ZNF229: variants seen among roughly 807,000 people sequenced by gnomAD.
ZNF229 encodes the protein zinc finger protein 229.
A neutral mutation model predicts 11.8 loss-of-function variants in ZNF229; 10 were observed. The observed-to-expected ratio is 0.85, with a 90% CI of 0.52 to 1.44. ZNF229 has a LOEUF of 1.44. Ranked by LOEUF, ZNF229 falls within the 40% of genes most tolerant of loss-of-function variation. The pLI, the probability that ZNF229 is intolerant of heterozygous loss-of-function variation, is 0.00. For missense variants in ZNF229, 1,045 were observed against 1,015.1 expected, an observed-to-expected ratio of 1.03 and a Z score of -0.40; for synonymous variants, 368 against 374.8, an observed-to-expected ratio of 0.98 and a Z score of 0.21.
chr19:44,429,148 A>G lies in ZNF229; in HGVS notation c.1633T>C (p.Tyr545His), dbSNP rs2123334464. The change falls in exon 6 of 6, where the codon TAC (tyrosine) becomes CAC (histidine). Residue 545 changes from tyrosine (Y) to histidine (H), a missense_variant. Physicochemically the swap from Tyr to His is moderately conservative, Grantham distance 83. Transcript: ENST00000614049. ...HQRLHTGEKP[Y>H]KCECGKSFGR... ...AAGCTCTTCCCGCACTCGCATTTGT[A>G]GGGTTTCTCTCCTGTGTGCAGTCTC... 1 of 1,613,562 alleles carries G rather than the reference A, an allele frequency of 6.2e-7. No homozygotes were observed. The highest frequency in any genetic ancestry group is 1.3e-5 in the African/African-American group (1 of 74,802).
rs370593038 is a variant in ZNF229, at chr19:44,428,370, C to A, written c.2411G>T (p.Gly804Val). Residue 804 changes from glycine (G) to valine (V), a missense_variant, in exon 6 of 6, where the codon GGC becomes GTC. Coordinates refer to ENST00000614049, the MANE Select transcript of ZNF229 (RefSeq NM_014518.4). ...CCGCAGACCTGAGGTATAACTGAAGCCTTTCCCACACACACCACACGTATA... is the reference window on the plus strand; with the variant it reads ...CCGCAGACCTGAGGTATAACTGAAGACTTTCCCACACACACCACACGTATA... Reference protein sequence around the residue: ...KPYTCGVCGKGFSYTSGLRNH... With the variant: ...KPYTCGVCGKVFSYTSGLRNH... 1 of 1,614,108 alleles carries A rather than the reference C, an allele frequency of 6.2e-7. No individual in the cohort carries two copies. Among genetic ancestry groups the A allele is most frequent in the Non-Finnish European group, 8.5e-7 (1 of 1,180,008 alleles).
At chr19:44,445,876 T>C (rs1971994803) in intron 2 of ZNF229, among the ~76,000 whole-genome samples, 1 of 152,192 alleles carries the variant, frequency 6.6e-6, no homozygotes. Flanking sequence ...CCTCTTGATG[T>C]CATCTTCACA....
intron 4 of ZNF229, among the ~76,000 whole-genome samples, chr19:44,439,265 A>G (rs1032183356): frequency 2.6e-5 from 4 of 152,152 alleles, no homozygotes; most frequent in African/African-American, 7.2e-5. Context: ...CTTTTTCCAC[A>G]CTAAGTATAC....
At chr19:44,434,235 G>A (rs563235076) in intron 4 of ZNF229, among the ~76,000 whole-genome samples, 33 of 152,180 alleles carry the variant, frequency 2.2e-4, no homozygotes, top group East Asian at 7.7e-4. Context: ...CATGTACCCC[G>A]AAAACATTCT....
chr19:44,428,078 C>G lies in ZNF229; in HGVS notation c.*225G>C. 2.0e-6 allele frequency: 1 copy of G among 502,002 alleles called. No individual in the cohort carries two copies. 31.1% of individuals were successfully genotyped at this position (502,002 alleles called of 1,614,324 possible). A position where few individuals can be genotyped will look rare whatever the true frequency, so the allele number is the denominator to read the frequency against. On this transcript the variant is annotated 3_prime_UTR_variant, in exon 6 of 6. Coordinates refer to ENST00000614049, the MANE Select transcript of ZNF229 (RefSeq NM_014518.4). ...CCACTGCTGCACTGTTTCTTTAAAG[C>G]CTACTCCGCTGCACAACAGACTCTT...
At chr19:44,431,134 G>C (rs780661670) in intron 5 of ZNF229, among the ~76,000 whole-genome samples, 1 of 152,082 alleles carries the variant, frequency 6.6e-6, no homozygotes, top group African/African-American at 2.4e-5. Flanking sequence ...CTTCAGGAGG[G>C]TGCCAAATTT....
chr19:44,442,933 C>A lies in ZNF229; in HGVS notation c.-86G>T. On this transcript the variant is annotated 5_prime_UTR_variant, in exon 3 of 6. Transcript: ENST00000614049. ...AAGCTGGAGACGCAGAAGATCCAGG[C>A]CTTTTTCATTCCGGAAACTCTCCAA... 6.6e-7 allele frequency: 1 copy of A among 1,510,236 alleles called. No individual in the cohort carries two copies. Among genetic ancestry groups the A allele is most frequent in the Non-Finnish European group, 9.2e-7 (1 of 1,087,268 alleles). The allele number at this position is 1,510,236 out of a possible 1,614,324, so 93.6% of individuals were successfully genotyped here.
chr19:44,434,806 C>G (rs1288639538), intron 4 of ZNF229, among the ~76,000 whole-genome samples: 1 of 152,106 alleles, frequency 6.6e-6, no homozygotes, highest in Non-Finnish European at 1.5e-5. Context: ...AGTTTTAGTG[C>G]ATATTACATG....
In ZNF229 at chr19:44,429,773, T is replaced by C. The variant is rs766419648; in HGVS notation, c.1008A>G (p.Ile336Met). The change falls in exon 6 of 6, where the codon ATA becomes ATG. Residue 336 changes from isoleucine (I) to methionine (M), a missense_variant. By Grantham distance (10) the Ile-to-Met change is conservative. Transcript: ENST00000614049. ...CCACAGGGGCTCTGGGGTGGTTACG[T>C]ATGTGCGTGTTCTGTCTGACGCCCC... ...RGRGVRQNTHIRNHPRAPVGD... is the reference protein window; with the variant it reads ...RGRGVRQNTHMRNHPRAPVGD... 7 of 1,614,082 alleles carry C rather than the reference T, an allele frequency of 4.3e-6. No individual in the cohort carries two copies. In the South Asian group the frequency reaches 7.7e-5, roughly 18 times the overall value.
chr19:44,429,721 A>T lies in ZNF229; in HGVS notation c.1060T>A (p.Cys354Ser). 2 of 1,614,124 alleles carry T rather than the reference A, an allele frequency of 1.2e-6. No homozygotes were observed. ...GATTTATACCTGAACCCCTTTCCAC[A>T]GACATCACATCTATAGGGCATGTCT... ...VGDMPYRCDV[C>S]GKGFRYKSVL... is the part of the protein sequence containing the mutation. The change falls in exon 6 of 6, where the codon TGT (cysteine) becomes AGT (serine). Residue 354 changes from cysteine to serine, a missense_variant. Coordinates refer to ENST00000614049, the MANE Select transcript of ZNF229 (RefSeq NM_014518.4).
Position 44,428,215 on chromosome 19 carries a change from A to G in ZNF229, c.*88T>C. 1 of 1,418,894 alleles carries G rather than the reference A, an allele frequency of 7.0e-7. No individual in the cohort carries two copies. Among genetic ancestry groups the G allele is most frequent in the Non-Finnish European group, 9.6e-7 (1 of 1,046,574 alleles). 87.9% of individuals were successfully genotyped at this position (1,418,894 alleles called of 1,614,324 possible). On this transcript the variant is annotated 3_prime_UTR_variant, in exon 6 of 6. Transcript: ENST00000614049. ...CATCAGTTTCTCCTATAGCCCTCCTACATGTCACTTTCCTATGGTTTTTCT... is the reference window on the plus strand; with the variant it reads ...CATCAGTTTCTCCTATAGCCCTCCTGCATGTCACTTTCCTATGGTTTTTCT...
chr19:44,429,459 C>A lies in ZNF229; in HGVS notation c.1322G>T (p.Gly441Val), dbSNP rs1555725599. 19 of 1,613,720 alleles carry A rather than the reference C, an allele frequency of 1.2e-5. No homozygotes were observed. The highest frequency in any genetic ancestry group is 1.5e-5 in the Non-Finnish European group (18 of 1,179,964). The stretch of plus-strand genomic sequence containing the variant: ...GTGCAGTGCAGACTTGGCACAGAAG[C>A]CTTTGCCACACTCGCTGCAGGTGTA... Reference protein sequence around the residue: ...KPYTCSECGKGFCAKSALHKH... With the variant: ...KPYTCSECGKVFCAKSALHKH... The change falls in exon 6 of 6, where the codon GGC becomes GTC. Residue 441 changes from glycine (G) to valine (V), a missense_variant. Physicochemically the swap from Gly to Val is moderately radical, Grantham distance 109. Transcript: ENST00000614049.
At chr19:44,432,114 C>T in intron 5 of ZNF229, 108 bp downstream of exon 5, 1 of 1,479,158 alleles carries the variant, frequency 6.8e-7, no homozygotes, top group Non-Finnish European at 8.9e-7. Context: ...TTTTTTACAG[C>T]AGCTGAAACT....
intron 5 of ZNF229, 169 bp downstream of exon 5, chr19:44,432,053 G>A (rs1241234681): frequency 7.6e-7 from 1 of 1,310,558 alleles, no homozygotes; most frequent in Non-Finnish European, 9.9e-7. Context: ...ATCTCAGACT[G>A]TGCCTTCCAG....
Position 44,427,249 on chromosome 19 carries a change from C to G in ZNF229, c.*1054G>C, listed in dbSNP as rs12984284. The G allele has an allele frequency of 5.6e-5, 7 of 125,012 alleles. No homozygotes were observed. The highest frequency in any genetic ancestry group is 1.6e-4 in the Admixed American group (2 of 12,172). 7.7% of individuals were successfully genotyped at this position (125,012 alleles called of 1,614,324 possible). A position where few individuals can be genotyped will look rare whatever the true frequency, so the allele number is the denominator to read the frequency against. ...AGACTGTTTCTACAACCCCCCCCCCCGCCCCCACTGATGGGGGATTTGATG... is the reference window on the plus strand; with the variant it reads ...AGACTGTTTCTACAACCCCCCCCCCGGCCCCCACTGATGGGGGATTTGATG... On this transcript the variant is annotated 3_prime_UTR_variant, in exon 6 of 6. Coordinates refer to ENST00000614049, the MANE Select transcript of ZNF229 (RefSeq NM_014518.4).
At chr19:44,444,286 G>C (rs929735732) in intron 2 of ZNF229, among the ~76,000 whole-genome samples, 1 of 152,144 alleles carries the variant, frequency 6.6e-6, no homozygotes, top group Non-Finnish European at 1.5e-5. Context: ...CAGACAAACA[G>C]ATACACATAC....
intron 4 of ZNF229, among the ~76,000 whole-genome samples, chr19:44,436,791 C>T (rs1971822664): frequency 6.6e-6 from 1 of 152,192 alleles, no homozygotes; most frequent in South Asian, 2.1e-4. Context: ...GTATTCAATG[C>T]AGATGTACAA....
rs1971616091 is a variant in ZNF229, at chr19:44,428,286, G to C, written c.*17C>G. 3.8e-6 allele frequency: 6 copies of C among 1,574,640 alleles called. No homozygotes were observed. The East Asian group carries it at 1.4e-4, about 36-fold the overall frequency. On this transcript the variant is annotated 3_prime_UTR_variant, in exon 6 of 6. Transcript: ENST00000614049. ...GATAGAAAGCTCTGAGTCCCAGATG[G>C]AATCCTCTATGTACATCTACTTATA...
rs545176899 is a variant in ZNF229, at chr19:44,428,114, G to C, written c.*189C>G. The C allele has an allele frequency of 4.9e-6, 3 of 611,666 alleles. No individual in the cohort carries two copies. Among genetic ancestry groups the C allele is most frequent in the African/African-American group, 3.7e-5 (2 of 54,250 alleles). The allele number at this position is 611,666 out of a possible 1,614,324, so 37.9% of individuals were successfully genotyped here. Reference sequence around the variant, plus strand: ...GCACAACAGACTCTTAAAGACTGAAGTTTGTAACTGAAGTGCTAACCTATT... The same window carrying C: ...GCACAACAGACTCTTAAAGACTGAACTTTGTAACTGAAGTGCTAACCTATT... On this transcript the variant is annotated 3_prime_UTR_variant, in exon 6 of 6. Coordinates refer to ENST00000614049, the MANE Select transcript of ZNF229 (RefSeq NM_014518.4).
Sources: allele counts gnomAD v4.1 joint callset (sites outside exome capture counted in the v4.1 genomes callset), GRCh38; gene constraint gnomAD v4.1.1; transcripts MANE v1.5; gene names NCBI Gene and HGNC (gene_info 2026-07-23, HGNC 2026-07-21).